The following PSTPIP1 variants were observed in gnomAD, a reference collection of about 807,000 sequenced individuals.
PSTPIP1 encodes proline-serine-threonine phosphatase interacting protein 1, also known as proline-serine-threonine phosphatase-interacting protein 1.
Under a neutral mutation model 69.6 loss-of-function variants are expected in PSTPIP1, and 66 were observed. That is an observed-to-expected ratio of 0.95 (90% CI 0.78 to 1.16). The LOEUF (loss-of-function observed/expected upper bound fraction) is 1.16, where lower values mean the gene tolerates loss of function less well. Ranked by LOEUF, PSTPIP1 falls within the 50% of genes most tolerant of loss-of-function variation. The pLI, the probability that PSTPIP1 is intolerant of heterozygous loss-of-function variation, is 0.00. For missense variants in PSTPIP1, 603 were observed against 557.4 expected (o/e 1.08, Z -0.82); for synonymous variants, 266 against 222.7 (o/e 1.19, Z -1.73).
At chr15:77,028,731 C>A (rs1335185168) in intron 7 of PSTPIP1, 79 bp downstream of exon 7, 1 of 1,220,802 alleles carries the variant, frequency 8.2e-7, no homozygotes, top group Non-Finnish European at 1.1e-6. Flanking sequence ...GCCGTAGACA[C>A]CCCCAGGCAA....
Position 77,025,588 on chromosome 15 carries a change from A to G in PSTPIP1, c.338A>G (p.Lys113Arg). 1 of 1,547,854 alleles carries G rather than the reference A, an allele frequency of 6.5e-7. No homozygotes were observed. Among genetic ancestry groups the G allele is most frequent in the Non-Finnish European group, 8.7e-7 (1 of 1,143,794 alleles). ...CTCGAGGAGTTTCGTGAGAGGCAGA[A>G]GGAGCAGAGGAAGAAGGTGAGGCAG... The part of the protein sequence containing the change: ...RSLEEFRERQ[K>R]EQRKKYEAVM... The change falls in exon 5 of 15, where the codon AAG becomes AGG. Residue 113 changes from lysine (K) to arginine (R), a missense_variant. Transcript: ENST00000558012.
intron 3 of PSTPIP1, among the ~76,000 whole-genome samples, chr15:77,024,623 C>T (rs1230131179): frequency 2.0e-5 from 3 of 152,212 alleles, no homozygotes; most frequent in Non-Finnish European, 4.4e-5. Flanking sequence ...AAAAAGTGCT[C>T]GTTCATCTGA....
Position 77,025,546 on chromosome 15 carries a change from G to A in PSTPIP1, c.296G>A (p.Arg99His), listed in dbSNP as rs371065077. The A allele has an allele frequency of 1.7e-5, 26 of 1,555,040 alleles. No homozygotes were observed. In the Middle Eastern group the frequency reaches 6.7e-4, roughly 40 times the overall value. The stretch of plus-strand genomic sequence containing the variant: ...CACATCCAGCTGGCCCTGACCCTGC[G>A]TGAGGAGCTGCGGAGTCTCGAGGAG... ...SSHIQLALTL[R>H]EELRSLEEFR... Residue 99 changes from arginine to histidine, a missense_variant, in exon 5 of 15, where the codon CGT (arginine) becomes CAT (histidine). Physicochemically the swap from Arg to His is conservative, Grantham distance 29. Coordinates refer to ENST00000558012, the MANE Select transcript of PSTPIP1 (RefSeq NM_003978.5).
chr15:77,024,793 C>G (rs797004642), intron 3 of PSTPIP1, among the ~76,000 whole-genome samples: 16 of 152,074 alleles, frequency 1.1e-4, no homozygotes, highest in African/African-American at 3.9e-4. Context: ...TGCGCCCTGC[C>G]CTGCTAGCCT....
intron 12 of PSTPIP1, 103 bp downstream of exon 12, chr15:77,033,055 T>C (rs1596130201): frequency 8.6e-7 from 1 of 1,166,708 alleles, no homozygotes; most frequent in East Asian, 2.6e-5. Context: ...GCACCTACTA[T>C]GTGTCTGTAT....
intron 1 of PSTPIP1, among the ~76,000 whole-genome samples, chr15:77,007,020 C>T (rs2075828505): frequency 6.6e-6 from 1 of 152,160 alleles, no homozygotes; most frequent in Non-Finnish European, 1.5e-5. Context: ...GGACTGGCCA[C>T]GAGTCCGTGA....
At chr15:77,022,161 G>A (rs1158382844) in intron 3 of PSTPIP1, among the ~76,000 whole-genome samples, 1 of 152,212 alleles carries the variant, frequency 6.6e-6, no homozygotes, top group Non-Finnish European at 1.5e-5. Context: ...CTCTTCCTCT[G>A]AACTCAGAGA....
upstream of PSTPIP1, chr15:76,994,967 T>C: frequency 1.2e-5 from 15 of 1,212,932 alleles, no homozygotes; most frequent in Middle Eastern, 2.5e-4. Context: ...CAAGCTCCCT[T>C]AGCATATGGC....
intron 1 of PSTPIP1, among the ~76,000 whole-genome samples, chr15:77,004,273 A>G (rs1337600161): frequency 6.6e-6 from 1 of 152,206 alleles, no homozygotes; most frequent in African/African-American, 2.4e-5. Context: ...GGCCTGGCAC[A>G]CTGAGCAATG....
At chr15:77,031,413 A>G in intron 10 of PSTPIP1, 135 bp downstream of exon 10, 1 of 893,388 alleles carries the variant, frequency 1.1e-6, no homozygotes, top group Admixed American at 2.1e-5. Flanking sequence ...CTCAGGCCTC[A>G]GCAGCTCAGC....
chr15:77,036,578 A>G (rs2076578592), intron 14 of PSTPIP1, among the ~76,000 whole-genome samples: 1 of 152,120 alleles, frequency 6.6e-6, no homozygotes, highest in Admixed American at 6.6e-5. Context: ...GCACCCCCAC[A>G]TAGCCAGGCA....
intron 9 of PSTPIP1, 76 bp from the exon 10 acceptor site, chr15:77,031,104 A>G: frequency 7.1e-7 from 1 of 1,399,198 alleles, no homozygotes; most frequent in Non-Finnish European, 1.0e-6. Flanking sequence ...GCTCCGGCTG[A>G]GCTGTGAATG....
chr15:77,006,172 G>A (rs962067466), intron 1 of PSTPIP1, among the ~76,000 whole-genome samples: 1 of 152,130 alleles, frequency 6.6e-6, no homozygotes, highest in Non-Finnish European at 1.5e-5. Context: ...TAGGAGGCAT[G>A]AAGTAATATC....
Position 77,028,615 on chromosome 15 carries a change from G to C in PSTPIP1, c.479G>C (p.Arg160Pro), listed in dbSNP as rs749747350. The C allele has an allele frequency of 6.3e-7, 1 of 1,593,212 alleles. No homozygotes were observed. The highest frequency in any genetic ancestry group is 8.5e-7 in the Non-Finnish European group (1 of 1,171,034). Reference protein sequence around the residue: ...DADDAEQAFERISANGHQKQV... With the variant: ...DADDAEQAFEPISANGHQKQV... ...GACGACGCGGAGCAGGCCTTCGAGC[G>C]CATTAGCGCCAACGGCCACCAGAAG... Residue 160 changes from arginine to proline, a missense_variant, in exon 7 of 15, where the codon CGC becomes CCC. Arg to Pro is a moderately radical substitution (Grantham distance 103, BLOSUM62 -2). Transcript: ENST00000558012.
At chr15:77,011,351 C>T (rs62027308) in intron 1 of PSTPIP1, among the ~76,000 whole-genome samples, 20,713 of 152,248 alleles carry the variant, frequency 0.14, 1,712 homozygotes, top group South Asian at 0.24. Flanking sequence ...CTGTCAGCCA[C>T]GGGCCTGTGG....
chr15:77,032,269 G>A (rs1284443904), intron 10 of PSTPIP1, 29 bp from the exon 11 acceptor site: 1 of 1,607,870 alleles, frequency 6.2e-7, no homozygotes, highest in Non-Finnish European at 8.5e-7. Context: ...TGGGCATCGG[G>A]CTGCGGCCTC....
intron 1 of PSTPIP1, among the ~76,000 whole-genome samples, chr15:76,996,262 T>C (rs559408829): frequency 2.0e-5 from 3 of 152,166 alleles, no homozygotes; most frequent in Non-Finnish European, 4.4e-5. Context: ...ATCAAGTCAT[T>C]TCCCCCATGA....
intron 1 of PSTPIP1, among the ~76,000 whole-genome samples, chr15:77,015,348 C>G (rs1002338095): frequency 6.6e-6 from 1 of 152,170 alleles, no homozygotes. Flanking sequence ...TGGGCAGTCT[C>G]TTTCCCTGTT....
At chr15:76,998,545 T>C (rs1400664713) in intron 1 of PSTPIP1, among the ~76,000 whole-genome samples, 1 of 152,184 alleles carries the variant, frequency 6.6e-6, no homozygotes, top group Admixed American at 6.5e-5. Flanking sequence ...TTTTAGCCTA[T>C]AGATGTAGCA....
Sources: allele counts gnomAD v4.1 joint callset (sites outside exome capture counted in the v4.1 genomes callset), GRCh38; gene constraint gnomAD v4.1.1; transcripts MANE v1.5; gene names NCBI Gene and HGNC (gene_info 2026-07-23, HGNC 2026-07-21).